The following VWA5B2 variants were observed in gnomAD, a reference collection of about 807,000 sequenced individuals.
VWA5B2 encodes von Willebrand factor A domain containing 5B2.
In VWA5B2, 93 loss-of-function variants were observed where a neutral mutation model predicts 118.5. The observed-to-expected ratio is 0.79, with a 90% CI of 0.66 to 0.93. The LOEUF (loss-of-function observed/expected upper bound fraction) is 0.93, where lower values mean the gene tolerates loss of function less well. Among genes scored for constraint, VWA5B2 ranks in the 40% least tolerant of loss-of-function variants. The pLI, the probability that VWA5B2 is intolerant of heterozygous loss-of-function variation, is 0.00. For synonymous variants in VWA5B2, 708 were observed against 716.3 expected (o/e 0.99, Z 0.19); for missense variants, 1,546 against 1,672.8 (o/e 0.92, Z 1.32).
Position 184,239,266 on chromosome 3 carries a change from C to T in VWA5B2, c.2203-128C>T. ...CACTGTAGGCCATAAGGAACTTGGC[C>T]TTCCTCCTCAAGCTGGTGAGCGGCC... is the stretch of plus-strand genomic sequence containing the variant. On this transcript the variant is annotated intron_variant, in intron 14 of 19. Transcript: ENST00000691901. This position sits in a 1 kb window ranked among gnomAD's most constrained non-coding sequence, Gnocchi z 5.1. 1 of 1,095,476 alleles carries T rather than the reference C, an allele frequency of 9.1e-7. No homozygotes were observed. The highest frequency in any genetic ancestry group is 2.8e-5 in the East Asian group (1 of 35,744). 67.9% of individuals were successfully genotyped at this position (1,095,476 alleles called of 1,614,324 possible).
intron 3 of VWA5B2, 126 bp downstream of exon 3, chr3:184,231,043 C>G (rs1717345649): frequency 2.5e-6 from 3 of 1,186,486 alleles, no homozygotes; most frequent in Non-Finnish European, 3.1e-6. Flanking sequence ...ATTGGCTCAT[C>G]CTGGTATTTA....
Position 184,242,296 on chromosome 3 carries a change from C to T in VWA5B2, c.*258C>T, listed in dbSNP as rs916277431. Reference sequence around the variant, plus strand: ...CAGTGGAAGGGTAGAGAGCCACAGTCCCCAAATCCTATGCAATAAAGTGCC... The same window carrying T: ...CAGTGGAAGGGTAGAGAGCCACAGTTCCCAAATCCTATGCAATAAAGTGCC... On this transcript the variant is annotated 3_prime_UTR_variant, in exon 20 of 20. Coordinates refer to ENST00000691901, the MANE Select transcript of VWA5B2 (RefSeq NM_001390846.1). 2.3e-5 allele frequency: 17 copies of T among 755,148 alleles called. No homozygotes were observed. The highest frequency in any genetic ancestry group is 3.6e-5 in the Non-Finnish European group (16 of 443,466). The allele number at this position is 755,148 out of a possible 1,614,324, so 46.8% of individuals were successfully genotyped here.
chr3:184,234,425 G>A (rs1396552254), intron 6 of VWA5B2, 28 bp downstream of exon 6: 9 of 1,550,216 alleles, frequency 5.8e-6, no homozygotes, highest in Middle Eastern at 1.7e-4. Flanking sequence ...ACCGTGGGCC[G>A]GCTCTGACCT....
chr3:184,239,004 T>C lies in VWA5B2; in HGVS notation c.2202+131T>C, dbSNP rs1696282460. On this transcript the variant is annotated intron_variant, in intron 14 of 19. Coordinates refer to ENST00000691901, the MANE Select transcript of VWA5B2 (RefSeq NM_001390846.1). The surrounding 1 kb of genome is among the most constrained non-coding windows in gnomAD (Gnocchi z 5.1). ...AGAAAGGTGGGTAAATCCCCAACGA[T>C]ACCATGTAACAACCAGTGATGAGCA... The C allele has an allele frequency of 1.0e-6, 1 of 1,003,918 alleles. No individual in the cohort carries two copies. Among genetic ancestry groups the C allele is most frequent in the South Asian group, 1.9e-5 (1 of 51,616 alleles). The allele number at this position is 1,003,918 out of a possible 1,614,324, so 62.2% of individuals were successfully genotyped here. A position where few individuals can be genotyped will look rare whatever the true frequency, so the allele number is the denominator to read the frequency against.
In VWA5B2 at chr3:184,241,801, C is replaced by T. The variant is rs1163339579; in HGVS notation, c.3492C>T (p.Gly1164=). The T allele has an allele frequency of 2.0e-6, 3 of 1,502,660 alleles. No homozygotes were observed. The highest frequency in any genetic ancestry group is 4.2e-5 in the Admixed American group (2 of 47,864). The allele number at this position is 1,502,660 out of a possible 1,614,324, so 93.1% of individuals were successfully genotyped here. Residue 1164 remains glycine, a synonymous_variant, in exon 20 of 20, where the codon GGC becomes GGT. Coordinates refer to ENST00000691901, the MANE Select transcript of VWA5B2 (RefSeq NM_001390846.1). This position sits in a 1 kb window ranked among gnomAD's most constrained non-coding sequence, Gnocchi z 5.1. The part of the protein sequence containing the change: ...AEGLGGTDLR[G]RTWATAVALA... ...GGCTGGGCGGCACCGACCTGCGGGG[C>T]CGGACCTGGGCCACTGCCGTAGCAC...
rs371555847 is a variant in VWA5B2, at chr3:184,238,579, A to T, written c.1908A>T (p.Thr636=). Residue 636 remains threonine (T), a synonymous_variant, in exon 14 of 20, where the codon ACA becomes ACT. Transcript: ENST00000691901. The surrounding 1 kb of genome is among the most constrained non-coding windows in gnomAD (Gnocchi z 5.0). ...RDSEQSTDAL[T]DPVTDPGPNP... is the part of the protein sequence containing the mutation. ...TCCCAGCAGGTACTGATGCTCTGACAGACCCAGTCACGGATCCTGGACCCA... is the reference window on the plus strand; with the variant it reads ...TCCCAGCAGGTACTGATGCTCTGACTGACCCAGTCACGGATCCTGGACCCA... The T allele has an allele frequency of 9.1e-4, 1,405 of 1,549,826 alleles. 2 individuals carry two copies. The highest frequency in any genetic ancestry group is 1.1e-3 in the Non-Finnish European group (1,281 of 1,145,464).
Position 184,241,345 on chromosome 3 carries a change from A to T in VWA5B2, c.3121A>T (p.Ser1041Cys). ...LSMGRRHKLC[S>C]PDPGQANNSE... ...CATGGGCCGCCGTCACAAACTCTGTAGCCCTGACCCGGGCCAGGCCAACAA... is the reference window on the plus strand; with the variant it reads ...CATGGGCCGCCGTCACAAACTCTGTTGCCCTGACCCGGGCCAGGCCAACAA... Residue 1041 changes from serine to cysteine, a missense_variant, in exon 19 of 20, where the codon AGC (serine) becomes TGC (cysteine). Physicochemically the swap from Ser to Cys is moderately radical, Grantham distance 112. This residue lies in a region of VWA5B2 where 763 missense variants were observed against 766.6 expected (regional missense o/e 1.00). Transcript: ENST00000691901. The surrounding 1 kb of genome is among the most constrained non-coding windows in gnomAD (Gnocchi z 5.1). The T allele has an allele frequency of 6.4e-7, 1 of 1,552,556 alleles. No individual in the cohort carries two copies. The highest frequency in any genetic ancestry group is 1.7e-4 in the Middle Eastern group (1 of 5,992).
At position 184,241,828 on chromosome 3, in the gene VWA5B2, C is replaced by T. The variant is rs1412100717; in HGVS notation, c.3519C>T (p.Leu1173=). The T allele has an allele frequency of 6.5e-6, 10 of 1,527,686 alleles. No homozygotes were observed. Among genetic ancestry groups the T allele is most frequent in the East Asian group, 2.5e-5 (1 of 40,798 alleles). The allele number at this position is 1,527,686 out of a possible 1,614,324, so 94.6% of individuals were successfully genotyped here. A position where few individuals can be genotyped will look rare whatever the true frequency, so the allele number is the denominator to read the frequency against. The part of the protein sequence containing the change: ...RGRTWATAVA[L]AWLEHRCAAA... ...GGACCTGGGCCACTGCCGTAGCACT[C>T]GCCTGGCTGGAGCACCGATGCGCCG... The change falls in exon 20 of 20, where the codon CTC becomes CTT. Residue 1173 remains leucine (L), a synonymous_variant. Transcript: ENST00000691901. This position sits in a 1 kb window ranked among gnomAD's most constrained non-coding sequence, Gnocchi z 5.1.
In VWA5B2 at chr3:184,240,876, G is replaced by A. The variant is rs780158222; in HGVS notation, c.2826G>A (p.Val942=). 30 of 1,551,544 alleles carry A rather than the reference G, an allele frequency of 1.9e-5. No homozygotes were observed. The highest frequency in any genetic ancestry group is 2.4e-5 in the Non-Finnish European group (28 of 1,146,988). ...CCTGCTTCACTTGCCCTGTAGCTGT[G>A]GATGCTACTACTAGGGAGGTCCTGC... ...APSCFTCPVA[V]DATTREVLPG... Residue 942 remains valine (V), a synonymous_variant, in exon 17 of 20, where the codon GTG becomes GTA. Transcript: ENST00000691901.
Position 184,242,028 on chromosome 3 carries a change from C to T in VWA5B2, c.3719C>T (p.Ala1240Val). ...CTACACCTGCTGTGCTACAGCCCAG[C>T]GAACGTGTGAAGGCTGCCCCCTGCT... ...LQLHLLCYSP[A>V]NV Residue 1240 changes from alanine to valine, a missense_variant, in exon 20 of 20, where the codon GCG (alanine) becomes GTG (valine). Physicochemically the swap from Ala to Val is moderately conservative, Grantham distance 64 (BLOSUM62 0). Transcript: ENST00000691901. 6.5e-7 allele frequency: 1 copy of T among 1,549,578 alleles called. No homozygotes were observed. The highest frequency in any genetic ancestry group is 8.7e-7 in the Non-Finnish European group (1 of 1,146,952).
Position 184,233,809 on chromosome 3 carries a change from G to A in VWA5B2, c.688+76G>A. On this transcript the variant is annotated intron_variant, in intron 5 of 19. Transcript: ENST00000691901. The surrounding 1 kb of genome is among the most constrained non-coding windows in gnomAD (Gnocchi z 5.2). ...GTGTAGTGACTGGAAGGGAAATAAG[G>A]CTCAGGGATAGGAGGGACACAGGAC... 6.6e-7 allele frequency: 1 copy of A among 1,516,846 alleles called. No homozygotes were observed. The highest frequency in any genetic ancestry group is 8.8e-7 in the Non-Finnish European group (1 of 1,130,168). 94.0% of individuals were successfully genotyped at this position (1,516,846 alleles called of 1,614,324 possible). A position where few individuals can be genotyped will look rare whatever the true frequency, so the allele number is the denominator to read the frequency against.
Position 184,233,709 on chromosome 3 carries a change from G to T in VWA5B2, c.664G>T (p.Val222Leu). The stretch of plus-strand genomic sequence containing the variant: ...ATATACCTTCTCCTTCGAGATGCTG[G>T]TGACTGGGCCATGCCTGCTTGCAGG... Reference protein sequence around the residue: ...APYTFSFEMLVTGPCLLAGLE... With the variant: ...APYTFSFEMLLTGPCLLAGLE... The change falls in exon 5 of 20, where the codon GTG (valine) becomes TTG (leucine). Residue 222 changes from valine to leucine, a missense_variant. Physicochemically the swap from Val to Leu is conservative, Grantham distance 32. Coordinates refer to ENST00000691901, the MANE Select transcript of VWA5B2 (RefSeq NM_001390846.1). This position sits in a 1 kb window ranked among gnomAD's most constrained non-coding sequence, Gnocchi z 5.2. 1 of 1,550,844 alleles carries T rather than the reference G, an allele frequency of 6.4e-7. No homozygotes were observed. The highest frequency in any genetic ancestry group is 8.7e-7 in the Non-Finnish European group (1 of 1,146,998).
chr3:184,235,500 C>T (rs890653172), intron 8 of VWA5B2, among the ~76,000 whole-genome samples, 192 bp downstream of exon 8: 4 of 152,192 alleles, frequency 2.6e-5, no homozygotes, highest in African/African-American at 9.7e-5. Flanking sequence ...CAAACAGACA[C>T]TGTCACGCTC....
In VWA5B2 at chr3:184,241,630, G is replaced by A. The variant is rs1175207496; in HGVS notation, c.3321G>A (p.Leu1107=). 1.3e-6 allele frequency: 2 copies of A among 1,541,138 alleles called. No individual in the cohort carries two copies. The highest frequency in any genetic ancestry group is 1.7e-6 in the Non-Finnish European group (2 of 1,146,450). The change falls in exon 20 of 20, where the codon TTG becomes TTA. Residue 1107 remains leucine, a synonymous_variant. Coordinates refer to ENST00000691901, the MANE Select transcript of VWA5B2 (RefSeq NM_001390846.1). The surrounding 1 kb of genome is among the most constrained non-coding windows in gnomAD (Gnocchi z 5.1). ...GCCTCAGCCCCACCTCGGCCTCATT[G>A]CCCTGGGCACTTCTGGGCCCTGGTG... ...RASLSPTSAS[L]PWALLGPGVG... is the part of the protein sequence containing the mutation.
chr3:184,232,156 C>T lies in VWA5B2; in HGVS notation c.311-1022C>T, dbSNP rs1194595708. ...GGGGGATGGAAGGGGGATAATCCCCCTTCCTCCTGTTATGGGGGATGAAAG... is the reference window on the plus strand; with the variant it reads ...GGGGGATGGAAGGGGGATAATCCCCTTTCCTCCTGTTATGGGGGATGAAAG... On this transcript the variant is annotated intron_variant, in intron 3 of 19. Transcript: ENST00000691901. Among the ~76,000 whole-genome samples, 4 of 152,202 alleles carry T rather than the reference C, an allele frequency of 2.6e-5. No individual in the cohort carries two copies. The East Asian group carries it at 5.8e-4, about 22-fold the overall frequency.
chr3:184,237,403 C>T lies in VWA5B2; in HGVS notation c.1711C>T (p.Pro571Ser), dbSNP rs1161513040. The change falls in exon 12 of 20, where the codon CCA becomes TCA. Residue 571 changes from proline to serine, a missense_variant. Physicochemically the swap from Pro to Ser is moderately conservative, Grantham distance 74. Transcript: ENST00000691901. This position sits in a 1 kb window ranked among gnomAD's most constrained non-coding sequence, Gnocchi z 5.6. ...LFRVDGFRSR[P>S]PGGQEPGWQS... Reference sequence around the variant, plus strand: ...CAGGGTGGATGGCTTCCGGTCCCGCCCACCAGGGGTAAGCTTGGGCTGGGG... The same window carrying T: ...CAGGGTGGATGGCTTCCGGTCCCGCTCACCAGGGGTAAGCTTGGGCTGGGG... The T allele has an allele frequency of 6.5e-7, 1 of 1,548,538 alleles. No homozygotes were observed.
chr3:184,230,835 G>C lies in VWA5B2; in HGVS notation c.228G>C (p.Gln76His). The change falls in exon 3 of 20, where the codon CAG becomes CAC. Residue 76 changes from glutamine to histidine, a missense_variant. Transcript: ENST00000691901. ...AAGRRVSFQL[Q>H]SRRRSQAACC... The stretch of plus-strand genomic sequence containing the variant: ...GACGGCGCGTCTCCTTCCAGCTGCA[G>C]AGCCGGCGCCGCTCGCAGGCCGCCT... 8.0e-7 allele frequency: 1 copy of C among 1,249,080 alleles called. No individual in the cohort carries two copies. The highest frequency in any genetic ancestry group is 3.0e-5 in the South Asian group (1 of 33,284). The allele number at this position is 1,249,080 out of a possible 1,614,324, so 77.4% of individuals were successfully genotyped here.
Position 184,237,360 on chromosome 3 carries a change from C to T in VWA5B2, c.1668C>T (p.Leu556=), listed in dbSNP as rs1017255487. 2.0e-5 allele frequency: 31 copies of T among 1,551,058 alleles called. No individual in the cohort carries two copies. The highest frequency in any genetic ancestry group is 2.4e-5 in the East Asian group (1 of 40,914). The change falls in exon 12 of 20, where the codon CTC becomes CTT. Residue 556 remains leucine, a synonymous_variant. Transcript: ENST00000691901. The surrounding 1 kb of genome is among the most constrained non-coding windows in gnomAD (Gnocchi z 5.6). The part of the protein sequence containing the change: ...IPALYPGDQL[L]GYCSLFRVDG... The stretch of plus-strand genomic sequence containing the variant: ...CACTCTACCCTGGGGACCAGCTGCT[C>T]GGTTACTGCTCACTCTTCAGGGTGG...
Position 184,238,613 on chromosome 3 carries a change from G to A in VWA5B2, c.1942G>A (p.Asp648Asn). 1 of 1,551,870 alleles carries A rather than the reference G, an allele frequency of 6.4e-7. No individual in the cohort carries two copies. Among genetic ancestry groups the A allele is most frequent in the Non-Finnish European group, 8.7e-7 (1 of 1,147,010 alleles). The change falls in exon 14 of 20, where the codon GAC (aspartate) becomes AAC (asparagine). Residue 648 changes from aspartate to asparagine, a missense_variant. Around this residue, in one of 3 missense-constraint regions of VWA5B2, gnomAD observed 775 missense variants for 882.3 expected, o/e 0.88. Transcript: ENST00000691901. The surrounding 1 kb of genome is among the most constrained non-coding windows in gnomAD (Gnocchi z 5.0). Reference sequence around the variant, plus strand: ...CACGGATCCTGGACCCAACCCCTCTGACACAGCCATATGGCGCCGCATCTT... The same window carrying A: ...CACGGATCCTGGACCCAACCCCTCTAACACAGCCATATGGCGCCGCATCTT... ...PVTDPGPNPS[D>N]TAIWRRIFQS...
Sources: allele counts gnomAD v4.1 joint callset (sites outside exome capture counted in the v4.1 genomes callset), GRCh38; gene constraint gnomAD v4.1.1; regional missense constraint gnomAD v4.1.1; non-coding constraint Gnocchi (gnomAD v3.1); transcripts MANE v1.5; gene names NCBI Gene and HGNC (gene_info 2026-07-23, HGNC 2026-07-21).